THBS4: variants seen among roughly 807,000 people sequenced by gnomAD.
The protein encoded by THBS4 is thrombospondin 4.
THBS4 carries 90 observed loss-of-function variants against 115.7 expected under a neutral mutation model. The observed-to-expected ratio is 0.78, with a 90% confidence interval of 0.66 to 0.93. The LOEUF is 0.93. Ranked by LOEUF, THBS4 falls within the 40% of genes least tolerant of loss-of-function variation. The probability of loss-of-function intolerance (pLI) is 0.00; values close to 1 mark genes in which losing one functional copy is unlikely to be tolerated. For synonymous variants in THBS4, 460 were observed against 479.3 expected, an observed-to-expected ratio of 0.96 and a Z score of 0.53; for missense variants, 1,087 against 1,232.7, an observed-to-expected ratio of 0.88 and a Z score of 1.77.
chr5:80,080,718 C>T (rs540746376), intron 20 of THBS4, among the ~76,000 whole-genome samples: 33 of 151,496 alleles, frequency 2.2e-4, no homozygotes, highest in African/African-American at 7.5e-4. Flanking sequence ...TCCCGAGTAG[C>T]TGGGATTACA....
intron 2 of THBS4, among the ~76,000 whole-genome samples, chr5:80,044,010 C>A (rs1832984582): frequency 1.3e-5 from 2 of 152,188 alleles, no homozygotes; most frequent in South Asian, 4.2e-4. Flanking sequence ...GCTGCCTCTC[C>A]TCCATCCTTT....
intron 7 of THBS4, 55 bp from the exon 8 acceptor site, chr5:80,061,640 A>G: frequency 6.6e-7 from 1 of 1,519,020 alleles, no homozygotes; most frequent in Non-Finnish European, 8.9e-7. Flanking sequence ...GATGAAGAAA[A>G]GTTTGAGAGT....
intron 2 of THBS4, among the ~76,000 whole-genome samples, chr5:80,015,480 A>T (rs1400034288): frequency 2.6e-5 from 4 of 152,202 alleles, no homozygotes; most frequent in Non-Finnish European, 5.9e-5. Flanking sequence ...CAGTGAGATC[A>T]CCAGTATCCC....
upstream of THBS4, among the ~76,000 whole-genome samples, chr5:80,035,017 C>T (rs1832664340): frequency 6.6e-6 from 1 of 152,102 alleles, no homozygotes; most frequent in Admixed American, 6.5e-5. This position sits in a 1 kb window ranked among gnomAD's most constrained non-coding sequence, Gnocchi z 4.6. Flanking sequence ...GCTAGTGGGT[C>T]AGTGTCACTT....
intron 2 of THBS4, among the ~76,000 whole-genome samples, chr5:80,009,522 T>A (rs1309408911): frequency 1.3e-5 from 2 of 152,196 alleles, no homozygotes; most frequent in Non-Finnish European, 2.9e-5. Context: ...TTACTGCTCT[T>A]CGGTTGTGTA....
At chr5:80,011,593 A>T (rs1479684811) in intron 2 of THBS4, among the ~76,000 whole-genome samples, 4 of 152,180 alleles carry the variant, frequency 2.6e-5, no homozygotes, top group Non-Finnish European at 2.9e-5. Flanking sequence ...GCAGAAAGAG[A>T]GCTAAAAATG....
intron 15 of THBS4, chr5:80,075,427 GT>G (rs983354440): frequency 2.0e-5 from 3 of 152,166 alleles, no homozygotes; most frequent in African/African-American, 4.8e-5. Flanking sequence ...CAGGGGCCGT[GT>G]TATTATTGGT....
At chr5:80,011,866 TTC>T (rs1417905595) in intron 2 of THBS4, among the ~76,000 whole-genome samples, 2 of 146,534 alleles carry the variant, frequency 1.4e-5, no homozygotes, top group Admixed American at 6.9e-5. Context: ...TGAGAAACGA[TTC>T]TGTTTCTTAA....
chr5:80,078,352 C>A, intron 17 of THBS4, 125 bp downstream of exon 17: 1 of 753,442 alleles, frequency 1.3e-6, no homozygotes, highest in Non-Finnish European at 2.0e-6. Context: ...GCTCTTATTC[C>A]TCAACAGCCC....
At chr5:80,053,373 A>G (rs1037526339) in intron 2 of THBS4, among the ~76,000 whole-genome samples, 4 of 151,282 alleles carry the variant, frequency 2.6e-5, no homozygotes, top group African/African-American at 9.7e-5. Flanking sequence ...GTATTTCTGA[A>G]ATGAACATTC....
intron 1 of THBS4, among the ~76,000 whole-genome samples, chr5:80,038,253 G>A (rs1832780462): frequency 6.6e-6 from 1 of 152,062 alleles, no homozygotes; most frequent in Non-Finnish European, 1.5e-5. Flanking sequence ...TTGTTGTATT[G>A]TCTTTCATTT....
intron 13 of THBS4, 132 bp from the exon 14 acceptor site, chr5:80,072,146 A>G: frequency 1.3e-6 from 1 of 743,846 alleles, no homozygotes; most frequent in East Asian, 2.5e-5. Flanking sequence ...ACCTCTGGAT[A>G]ACTGCAGAAA....
intron 2 of THBS4, among the ~76,000 whole-genome samples, chr5:80,005,191 A>G (rs1001032591): frequency 6.6e-6 from 1 of 152,214 alleles, no homozygotes; most frequent in African/African-American, 2.4e-5. Context: ...TCCTTTTGTT[A>G]ATGTTTATTT....
At chr5:80,018,851 A>C (rs256451) in intron 2 of THBS4, among the ~76,000 whole-genome samples, 1 of 151,862 alleles carries the variant, frequency 6.6e-6, no homozygotes, top group African/African-American at 2.4e-5. Context: ...GTTGTCTGCT[A>C]TTTCCTCTGG....
Position 80,005,652 on chromosome 5 carries a change from T to G in THBS4, n.177+7225T>G, listed in dbSNP as rs567590600. Among the ~76,000 whole-genome samples, 18 of 152,238 alleles carry G rather than the reference T, an allele frequency of 1.2e-4. No individual in the cohort carries two copies. The South Asian group carries it at 3.7e-3, about 32-fold the overall frequency. ...GTCCTGTTTTGTATAAAGGGGAACC[T>G]GATCCCTCTTCTGCCTGGCTGGCAG... On this transcript the variant is annotated intron_variant and non_coding_transcript_variant, in intron 2 of 3. Coordinates refer to the THBS4 transcript ENST00000510218.
Position 80,040,250 on chromosome 5 carries a change from G to T in THBS4, c.262G>T (p.Glu88Ter), listed in dbSNP as rs369984137. The T allele has an allele frequency of 1.1e-5, 17 of 1,613,700 alleles. No individual in the cohort carries two copies. The East Asian group carries it at 2.0e-4, about 19-fold the overall frequency. Residue 88 changes from glutamate (E) to a stop codon, truncating the protein, a stop_gained, in exon 2 of 22, where the codon GAA (glutamate) becomes TAA (stop). Coordinates refer to ENST00000350881, the MANE Select transcript of THBS4 (RefSeq NM_003248.6). LOFTEE classifies it high-confidence loss of function. Reference protein sequence around the residue: ...YSSTDNSKYFEFTVMGRLNKA... With the variant: ...YSSTDNSKYF ...TTCAACTGACAACAGTAAATATTTT[G>T]AATTTACTGTGATGGGACGCTTAAA...
chr5:79,997,756 G>C (rs1027478634), intron 1 of THBS4, among the ~76,000 whole-genome samples: 1 of 152,076 alleles, frequency 6.6e-6, no homozygotes, highest in Non-Finnish European at 1.5e-5. Context: ...GAGTCATAAA[G>C]CAAACCTCAA....
rs1743015738 is a variant in THBS4, at chr5:80,073,459, C to G, written c.1892+132C>G. 5 of 772,086 alleles carry G rather than the reference C, an allele frequency of 6.5e-6. No homozygotes were observed. In the Admixed American group the frequency reaches 1.2e-4, roughly 18 times the overall value. The allele number at this position is 772,086 out of a possible 1,614,324, so 47.8% of individuals were successfully genotyped here. On this transcript the variant is annotated intron_variant, in intron 15 of 21. Transcript: ENST00000350881. ...AGTACAGTGGTGCAATCTCGGCTCA[C>G]TGCAAGCTCCGATTCCCAGGTTTAT...
At chr5:80,021,573 C>T (rs1832378021) in intron 2 of THBS4, among the ~76,000 whole-genome samples, 3 of 151,972 alleles carry the variant, frequency 2.0e-5, no homozygotes, top group South Asian at 2.1e-4. Context: ...GTGGTACAGT[C>T]GTAGCTCACT....
Sources: gnomAD v4.1 joint callset for allele counts (sites outside exome capture counted in the v4.1 genomes callset) on GRCh38, gnomAD v4.1.1 for gene constraint, Gnocchi (gnomAD v3.1) non-coding constraint, MANE v1.5 for transcripts, NCBI Gene and HGNC (gene_info 2026-07-23, HGNC 2026-07-21) for gene names.